Variants in SGIP1 observed in about 807,000 individuals in gnomAD.
SGIP1 encodes SH3-containing GRB2-like protein 3-interacting protein 1.
In SGIP1, 38 loss-of-function variants were observed where a neutral mutation model predicts 107.5. The ratio of observed to expected loss-of-function variants is 0.35; its 90% CI spans 0.27 to 0.46. The LOEUF (loss-of-function observed/expected upper bound fraction) is 0.46. Among genes scored for constraint, SGIP1 ranks in the 20% least tolerant of loss-of-function variants. The probability of loss-of-function intolerance (pLI) is 1.00; values close to 1 mark genes in which losing one functional copy is unlikely to be tolerated. For synonymous variants in SGIP1, 365 were observed against 366.1 expected, an observed-to-expected ratio of 1.00 and a Z score of 0.03; for missense variants, 929 against 1,019.5, an observed-to-expected ratio of 0.91 and a Z score of 1.21.
intron 1 of SGIP1, among the ~76,000 whole-genome samples, chr1:66,581,011 T>C (rs1410744363): frequency 6.6e-6 from 1 of 152,148 alleles, no homozygotes; most frequent in East Asian, 1.9e-4. Flanking sequence ...CCATCATATA[T>C]ACCAAAAGCT....
intron 21 of SGIP1, among the ~76,000 whole-genome samples, chr1:66,738,242 A>G (rs182479632): frequency 3.9e-5 from 6 of 152,324 alleles, no homozygotes; most frequent in Non-Finnish European, 5.9e-5. Flanking sequence ...TTCTGCCATA[A>G]CCACTCCTGC....
intron 9 of SGIP1, among the ~76,000 whole-genome samples, chr1:66,668,682 G>T (rs568657849): frequency 1.3e-5 from 2 of 152,174 alleles, no homozygotes; most frequent in Non-Finnish European, 2.9e-5. Flanking sequence ...GTGACCAGTT[G>T]GTGGTTCTCT....
At chr1:66,558,021 G>GGAA (rs2058431339) in intron 1 of SGIP1, among the ~76,000 whole-genome samples, 1 of 152,074 alleles carries the variant, frequency 6.6e-6, no homozygotes, top group South Asian at 2.1e-4. Flanking sequence ...TAAAAAACTT[G>GGAA]CTTCCAGGAA....
At chr1:66,660,035 G>GA (rs2080804153) in intron 7 of SGIP1, 1 of 116,286 alleles carries the variant, frequency 8.6e-6, no homozygotes, top group Non-Finnish European at 1.5e-5. Flanking sequence ...AGGAAGGAAG[G>GA]AAGGAAAGAA....
At chr1:66,697,942 T>G (rs893732377) in intron 18 of SGIP1, among the ~76,000 whole-genome samples, 2 of 152,210 alleles carry the variant, frequency 1.3e-5, no homozygotes, top group Non-Finnish European at 2.9e-5. Flanking sequence ...TAACATTATC[T>G]TTAATTCTTC....
chr1:66,595,602 T>C (rs2064495068), intron 1 of SGIP1, among the ~76,000 whole-genome samples: 1 of 152,128 alleles, frequency 6.6e-6, no homozygotes, highest in Admixed American at 6.5e-5. Flanking sequence ...CACTCTCAGG[T>C]TTTGTGCATG....
At chr1:66,605,036 C>T (rs1025994104) in intron 1 of SGIP1, among the ~76,000 whole-genome samples, 1 of 152,090 alleles carries the variant, frequency 6.6e-6, no homozygotes, top group Non-Finnish European at 1.5e-5. Context: ...TTCATCTTCC[C>T]TGCTATGTAC....
chr1:66,557,749 A>G (rs2058388904), intron 1 of SGIP1, among the ~76,000 whole-genome samples: 1 of 152,220 alleles, frequency 6.6e-6, no homozygotes, highest in South Asian at 2.1e-4. Context: ...AAACTCACCT[A>G]TTGTTACCAA....
intron 1 of SGIP1, among the ~76,000 whole-genome samples, chr1:66,562,470 T>A (rs1198452149): frequency 6.6e-6 from 1 of 151,748 alleles, no homozygotes; most frequent in African/African-American, 2.4e-5. Context: ...ATATGAACAA[T>A]AAAGACTGGG....
chr1:66,554,651 T>C (rs1045182761), intron 1 of SGIP1, among the ~76,000 whole-genome samples: 3 of 152,154 alleles, frequency 2.0e-5, no homozygotes, highest in Non-Finnish European at 4.4e-5. Flanking sequence ...ATAAGGTATG[T>C]ATATAAAACA....
Position 66,589,555 on chromosome 1 carries a change from G to A in SGIP1, c.11-36292G>A, listed in dbSNP as rs114107477. 7.0e-3 allele frequency among the ~76,000 whole-genome samples: 1,066 copies of A among 151,932 alleles called. 19 individuals carry two copies. The highest frequency in any genetic ancestry group is 0.024 in the African/African-American group (995 of 41,396). On this transcript the variant is annotated intron_variant, in intron 1 of 24. Coordinates refer to ENST00000371037, the MANE Select transcript of SGIP1 (RefSeq NM_032291.4). Reference sequence around the variant, plus strand: ...TCTTGAGCTTGTGATGGGACTTTGTGCCTCCCCACCAACCAGCTTCCAAAC... The same window carrying A: ...TCTTGAGCTTGTGATGGGACTTTGTACCTCCCCACCAACCAGCTTCCAAAC...
At chr1:66,537,910 C>A (rs1157742395) in intron 1 of SGIP1, among the ~76,000 whole-genome samples, 1 of 152,010 alleles carries the variant, frequency 6.6e-6, no homozygotes, top group African/African-American at 2.4e-5. Flanking sequence ...CCTCTAGGAA[C>A]CTCTTAGTTT....
At chr1:66,566,207 A>G (rs7547857) in intron 1 of SGIP1, among the ~76,000 whole-genome samples, 74,891 of 151,714 alleles carry the variant, frequency 0.49, 19,172 homozygotes, top group South Asian at 0.78. Flanking sequence ...AACCCACCTC[A>G]ACACAGTCTG....
intron 2 of SGIP1, among the ~76,000 whole-genome samples, chr1:66,632,357 C>G (rs1248247969): frequency 6.6e-6 from 1 of 152,116 alleles, no homozygotes; most frequent in Non-Finnish European, 1.5e-5. Context: ...ATTTCCTGCT[C>G]TTCTATAATG....
intron 21 of SGIP1, among the ~76,000 whole-genome samples, chr1:66,737,343 T>C (rs1276532223): frequency 6.6e-6 from 1 of 152,194 alleles, no homozygotes; most frequent in Non-Finnish European, 1.5e-5. Context: ...TGTTATTAAG[T>C]AAATCTAGAA....
intron 13 of SGIP1, among the ~76,000 whole-genome samples, chr1:66,677,465 G>A (rs1309888564): frequency 2.6e-5 from 4 of 152,194 alleles, no homozygotes. Context: ...GTCTAATACG[G>A]TCTCTGCTCA....
chr1:66,683,613 C>T (rs963641947), intron 15 of SGIP1, among the ~76,000 whole-genome samples: 7 of 151,404 alleles, frequency 4.6e-5, no homozygotes, highest in African/African-American at 1.7e-4. Context: ...GTATTTTTAC[C>T]ATAAGACCTT....
At chr1:66,564,729 C>A (rs924464693) in intron 1 of SGIP1, among the ~76,000 whole-genome samples, 1 of 151,846 alleles carries the variant, frequency 6.6e-6, no homozygotes, top group African/African-American at 2.4e-5. Context: ...AAGAAACTAA[C>A]TTTGATCTAG....
chr1:66,627,793 C>G (rs1291011868), intron 2 of SGIP1, among the ~76,000 whole-genome samples: 4 of 152,110 alleles, frequency 2.6e-5, no homozygotes, highest in Non-Finnish European at 2.9e-5. Flanking sequence ...ACAATGTGCA[C>G]AACGTGCAGG....
Sources: allele counts gnomAD v4.1 joint callset (sites outside exome capture counted in the v4.1 genomes callset), GRCh38; gene constraint gnomAD v4.1.1; transcripts MANE v1.5; gene names NCBI Gene and HGNC (gene_info 2026-07-23, HGNC 2026-07-21).